The following TEKT5 variants were observed in gnomAD, a reference collection of about 807,000 sequenced individuals.
TEKT5 encodes tektin-5.
Under a neutral mutation model 48.7 loss-of-function variants are expected in TEKT5, and 52 were observed. The ratio of observed to expected loss-of-function variants is 1.07; its 90% CI spans 0.86 to 1.35. The LOEUF is 1.35. TEKT5 is among the 40% of genes most tolerant of loss of function. The pLI is 0.00. For missense variants in TEKT5, 831 were observed against 641.6 expected, an observed-to-expected ratio of 1.30 and a Z score of -3.19; for synonymous variants, 318 against 267.6, an observed-to-expected ratio of 1.19 and a Z score of -1.84.
intron 5 of TEKT5, among the ~76,000 whole-genome samples, chr16:10,667,843 C>A (rs950726704): frequency 6.6e-6 from 1 of 151,696 alleles, no homozygotes; most frequent in Non-Finnish European, 1.5e-5. Context: ...ATAGAGGGTA[C>A]CATAACAATA....
intron 3 of TEKT5, among the ~76,000 whole-genome samples, chr16:10,683,972 C>T (rs897880395): frequency 1.3e-5 from 2 of 152,150 alleles, no homozygotes; most frequent in Non-Finnish European, 2.9e-5. Context: ...AACCCATCAC[C>T]CTTTCCATTA....
intron 1 of TEKT5, among the ~76,000 whole-genome samples, chr16:10,692,019 T>C (rs1898988968): frequency 6.7e-6 from 1 of 150,014 alleles, no homozygotes. Flanking sequence ...GTAAGGACAA[T>C]GGATTGGAAG....
At chr16:10,653,697 G>A (rs1321045655) in intron 5 of TEKT5, among the ~76,000 whole-genome samples, 2 of 152,168 alleles carry the variant, frequency 1.3e-5, no homozygotes, top group African/African-American at 4.8e-5. Context: ...GAGATCACCT[G>A]AGGTTAGGAG....
At chr16:10,680,336 C>T (rs756790175) in intron 4 of TEKT5, among the ~76,000 whole-genome samples, 30 of 152,210 alleles carry the variant, frequency 2.0e-4, no homozygotes, top group Admixed American at 4.6e-4. Flanking sequence ...CCTTCCTTCT[C>T]GCTTCCCTTC....
intron 6 of TEKT5, among the ~76,000 whole-genome samples, chr16:10,631,701 T>C (rs1897843629): frequency 1.3e-5 from 2 of 151,966 alleles, no homozygotes; most frequent in African/African-American, 2.4e-5. Context: ...CATGGAGACA[T>C]GCAGGAGAGA....
At chr16:10,667,279 T>C (rs1898473902) in intron 5 of TEKT5, among the ~76,000 whole-genome samples, 1 of 152,150 alleles carries the variant, frequency 6.6e-6, no homozygotes, top group Non-Finnish European at 1.5e-5. Context: ...CCACCACGCC[T>C]GGCTTCCTTC....
rs553097493 is a variant in TEKT5, at chr16:10,693,900, G to C, written c.564+410C>G. On this transcript the variant is annotated intron_variant, in intron 1 of 6. Transcript: ENST00000283025. Reference sequence around the variant, plus strand: ...CACGAGAGTCGCTTGAACCCAGGAGGCGGAAGTCGCAGCGAGCCAAGATCG... The same window carrying C: ...CACGAGAGTCGCTTGAACCCAGGAGCCGGAAGTCGCAGCGAGCCAAGATCG... 1.1e-3 allele frequency among the ~76,000 whole-genome samples: 169 copies of C among 152,318 alleles called. 1 individual carries two copies. Among genetic ancestry groups the C allele is most frequent in the Admixed American group, 0.011 (169 of 15,306 alleles).
intron 5 of TEKT5, among the ~76,000 whole-genome samples, chr16:10,644,294 C>A (rs1246323786): frequency 6.6e-6 from 1 of 152,146 alleles, no homozygotes; most frequent in East Asian, 1.9e-4. Context: ...TCAACTGAGG[C>A]CCAGAGAGGA....
chr16:10,690,874 G>T, intron 1 of TEKT5: 2 of 786,752 alleles, frequency 2.5e-6, no homozygotes, highest in Non-Finnish European at 3.1e-6. Flanking sequence ...GGATGCAAAT[G>T]TATGTGAGAA....
intron 4 of TEKT5, among the ~76,000 whole-genome samples, chr16:10,679,511 T>C (rs933073707): frequency 6.6e-6 from 1 of 151,234 alleles, no homozygotes; most frequent in African/African-American, 2.4e-5. Context: ...TGTTAATCCA[T>C]GGTAATGAGA....
intron 5 of TEKT5, chr16:10,671,686 G>C (rs1898550904): frequency 1.3e-5 from 2 of 152,192 alleles, no homozygotes; most frequent in African/African-American, 4.8e-5. Flanking sequence ...TATTTATAGA[G>C]AAAAAGAGAT....
At chr16:10,645,958 C>T (rs761849592) in intron 5 of TEKT5, among the ~76,000 whole-genome samples, 7 of 151,662 alleles carry the variant, frequency 4.6e-5, no homozygotes, top group Admixed American at 2.0e-4. Context: ...ATAGTGAGAC[C>T]CCATCTCTAC....
chr16:10,659,221 G>A (rs1045946147), intron 5 of TEKT5, among the ~76,000 whole-genome samples: 5 of 152,150 alleles, frequency 3.3e-5, no homozygotes, highest in South Asian at 2.1e-4. Context: ...GCGCACACAC[G>A]TAAAAATCAA....
intron 1 of TEKT5, 97 bp downstream of exon 1, chr16:10,694,213 A>G: frequency 7.7e-7 from 1 of 1,306,446 alleles, no homozygotes; most frequent in Non-Finnish European, 1.0e-6. Context: ...CCGACCTGCA[A>G]GGTGCCTGCC....
At chr16:10,650,207 C>G (rs571048563) in intron 5 of TEKT5, among the ~76,000 whole-genome samples, 2 of 151,740 alleles carry the variant, frequency 1.3e-5, no homozygotes, top group Non-Finnish European at 2.9e-5. Flanking sequence ...CAGGTGTGTG[C>G]GACAAGTAGC....
intron 5 of TEKT5, among the ~76,000 whole-genome samples, chr16:10,669,818 C>G (rs114020721): frequency 0.015 from 2,296 of 152,218 alleles, 62 homozygotes; most frequent in African/African-American, 0.05. Flanking sequence ...GTTTCCAGGG[C>G]CCTGGGTCTC....
chr16:10,628,891 G>A (rs1399407645), intron 6 of TEKT5, among the ~76,000 whole-genome samples: 1 of 138,186 alleles, frequency 7.2e-6, no homozygotes, highest in Non-Finnish European at 1.5e-5. Flanking sequence ...GGGAGCCTGA[G>A]CGAAACTCTG....
chr16:10,659,343 A>G (rs935572106), intron 5 of TEKT5, among the ~76,000 whole-genome samples: 4 of 152,200 alleles, frequency 2.6e-5, no homozygotes, highest in African/African-American at 9.6e-5. Context: ...GAAGATTAAT[A>G]CAGTTGTGTT....
intron 5 of TEKT5, among the ~76,000 whole-genome samples, chr16:10,665,895 G>C (rs1898447872): frequency 6.6e-6 from 1 of 152,162 alleles, no homozygotes; most frequent in Non-Finnish European, 1.5e-5. Flanking sequence ...CCCACAGATA[G>C]CAGAGCCTCT....
Sources: allele counts gnomAD v4.1 joint callset (sites outside exome capture counted in the v4.1 genomes callset), GRCh38; gene constraint gnomAD v4.1.1; transcripts MANE v1.5; gene names NCBI Gene and HGNC (gene_info 2026-07-23, HGNC 2026-07-21).